The following AHRR variants were observed in gnomAD, a reference collection of about 807,000 sequenced individuals.
AHRR encodes ahR repressor.
Under a neutral mutation model 44.0 loss-of-function variants are expected in AHRR, and 28 were observed. The observed-to-expected ratio is 0.64, with a 90% CI of 0.47 to 0.87. The LOEUF is 0.87. AHRR is among the 40% of genes least tolerant of loss of function. The pLI, the probability that AHRR is intolerant of heterozygous loss-of-function variation, is 0.00. For missense variants in AHRR, 990 were observed against 953.9 expected, an observed-to-expected ratio of 1.04 and a Z score of -0.50; for synonymous variants, 434 against 407.0, an observed-to-expected ratio of 1.07 and a Z score of -0.80.
intron 3 of AHRR, among the ~76,000 whole-genome samples, chr5:375,219 A>AT (rs1454874178): frequency 2.6e-5 from 4 of 152,318 alleles, no homozygotes; most frequent in African/African-American, 9.6e-5. Context: ...TCAAGTGGTT[A>AT]TTCTAGTTCT....
Position 423,913 on chromosome 5 carries a change from C to T in AHRR, c.644C>T (p.Ala215Val). The T allele has an allele frequency of 6.2e-7, 1 of 1,603,706 alleles. No homozygotes were observed. The highest frequency in any genetic ancestry group is 8.5e-7 in the Non-Finnish European group (1 of 1,179,918). Residue 215 changes from alanine to valine, a missense_variant, in exon 7 of 11, where the codon GCC (alanine) becomes GTC (valine). Ala to Val is a moderately conservative substitution (Grantham distance 64). Transcript: ENST00000684583. ...ACAGGCACGCCCACCGAGTACTCGG[C>T]CTTCCTGACCCGCTGCTTCATCTGC... ...WGTGTPTEYS[A>V]FLTRCFICRV...
At chr5:425,587 C>A (rs1191043031) in intron 7 of AHRR, among the ~76,000 whole-genome samples, 1 of 152,036 alleles carries the variant, frequency 6.6e-6, no homozygotes, top group South Asian at 2.1e-4. Flanking sequence ...GAATGTTGTT[C>A]GTTTTTTAAA....
At chr5:340,952 C>G in intron 1 of AHRR, among the ~76,000 whole-genome samples, 1 of 150,846 alleles carries the variant, frequency 6.6e-6, no homozygotes. Context: ...CCTGCCTCAG[C>G]CTTCCAAAGT....
intron 5 of AHRR, among the ~76,000 whole-genome samples, chr5:414,493 T>G (rs1300916551): frequency 6.6e-6 from 1 of 152,018 alleles, no homozygotes; most frequent in East Asian, 1.9e-4. Flanking sequence ...GGGCCCTTTA[T>G]CTGCACTTCC....
chr5:345,336 ATG>A (rs148960070), intron 2 of AHRR, among the ~76,000 whole-genome samples: 23,442 of 29,570 alleles, frequency 0.79, 9,310 homozygotes, highest in Non-Finnish European at 0.83. Flanking sequence ...GTGTGTGGGG[ATG>A]TGTGTGTGTG....
chr5:351,419 C>A (rs1742854533), intron 2 of AHRR, among the ~76,000 whole-genome samples: 1 of 152,162 alleles, frequency 6.6e-6, no homozygotes, highest in African/African-American at 2.4e-5. Context: ...ATTACTCAGC[C>A]CTGAAAAGGA....
intron 3 of AHRR, among the ~76,000 whole-genome samples, chr5:356,359 G>A (rs1383685302): frequency 6.6e-6 from 1 of 152,234 alleles, no homozygotes; most frequent in Non-Finnish European, 1.5e-5. Flanking sequence ...GAAGGGTCCA[G>A]AAGCCCCGGC....
At position 380,607 on chromosome 5, in the gene AHRR, T is replaced by A. The variant is rs74362995; in HGVS notation, c.351+3891T>A. ...TTAATGTAAATGAGACTTTTTTAAT[T>A]TCAATTTTTAGTTCATTCCTAGTAT... On this transcript the variant is annotated intron_variant, in intron 4 of 10. Transcript: ENST00000684583. 4.6e-5 allele frequency among the ~76,000 whole-genome samples: 7 copies of A among 152,354 alleles called. No homozygotes were observed. The East Asian group carries it at 1.3e-3, about 29-fold the overall frequency.
At chr5:323,645 T>G (rs1411861113) in intron 1 of AHRR, among the ~76,000 whole-genome samples, 1 of 152,188 alleles carries the variant, frequency 6.6e-6, no homozygotes, top group East Asian at 1.9e-4. Flanking sequence ...TAACAGGGTC[T>G]TCCCACCTCG....
rs950614410 is a variant in AHRR, at chr5:367,704, T to G, written c.245-8906T>G. 9.7e-6 allele frequency: 6 copies of G among 618,816 alleles called. No individual in the cohort carries two copies. In the African/African-American group the frequency reaches 1.1e-4, roughly 11 times the overall value. 38.3% of individuals were successfully genotyped at this position (618,816 alleles called of 1,614,324 possible). ...GCCTCACTTTTAACATCACAGCCTCTGCCCCTCTGCCCTGACACCACCCCC... is the reference window on the plus strand; with the variant it reads ...GCCTCACTTTTAACATCACAGCCTCGGCCCCTCTGCCCTGACACCACCCCC... On this transcript the variant is annotated intron_variant, in intron 3 of 10. Coordinates refer to ENST00000684583, the MANE Select transcript of AHRR (RefSeq NM_001377236.1).
intron 1 of AHRR, among the ~76,000 whole-genome samples, chr5:332,750 G>A (rs1318410301): frequency 6.6e-6 from 1 of 152,082 alleles, no homozygotes; most frequent in Non-Finnish European, 1.5e-5. Flanking sequence ...TCTGTCTAAT[G>A]CCATGAGTAG....
At chr5:421,431 C>T (rs1478742385) in intron 5 of AHRR, 8 of 543,300 alleles carry the variant, frequency 1.5e-5, no homozygotes, top group Non-Finnish European at 2.3e-5. Flanking sequence ...CAGAAGCAGC[C>T]TCGCGGGTGC....
intron 4 of AHRR, among the ~76,000 whole-genome samples, chr5:382,741 TTGTC>T (rs1734034724): frequency 7.7e-6 from 1 of 129,252 alleles, no homozygotes; most frequent in African/African-American, 3.4e-5. Flanking sequence ...ATTTGTCTAT[TTGTC>T]TATTTTCCAT....
intron 5 of AHRR, among the ~76,000 whole-genome samples, chr5:417,600 C>T (rs1735886134): frequency 6.6e-6 from 1 of 152,252 alleles, no homozygotes; most frequent in African/African-American, 2.4e-5. Context: ...GCTCGATGGT[C>T]TCACCCCAGG....
At chr5:325,161 G>C (rs1483445263) in intron 1 of AHRR, among the ~76,000 whole-genome samples, 1 of 152,204 alleles carries the variant, frequency 6.6e-6, no homozygotes, top group African/African-American at 2.4e-5. Flanking sequence ...AACATCCCCT[G>C]CCCCGCTTCA....
At chr5:376,050 GC>G in intron 3 of AHRR, among the ~76,000 whole-genome samples, 5 of 104,698 alleles carry the variant, frequency 4.8e-5, no homozygotes, top group Non-Finnish European at 9.1e-5. Flanking sequence ...GTGGGGCCTG[GC>G]CTGCTTCTCA....
chr5:363,404 C>T (rs189916187), intron 3 of AHRR, among the ~76,000 whole-genome samples: 2 of 152,320 alleles, frequency 1.3e-5, no homozygotes, highest in African/African-American at 4.8e-5. Flanking sequence ...TGGTCCCTTA[C>T]ACTCACTTCC....
intron 4 of AHRR, among the ~76,000 whole-genome samples, chr5:376,966 C>T (rs1733736552): frequency 6.6e-6 from 1 of 152,124 alleles, no homozygotes; most frequent in African/African-American, 2.4e-5. Flanking sequence ...GAGCTCTCGG[C>T]CTTGTGTGCT....
rs1490196751 is a variant in AHRR, at chr5:338,629, C to T, written c.-10-5264C>T. On this transcript the variant is annotated intron_variant, in intron 1 of 10. Coordinates refer to ENST00000684583, the MANE Select transcript of AHRR (RefSeq NM_001377236.1). The surrounding 1 kb of genome is among the most constrained non-coding windows in gnomAD (Gnocchi z 4.1). ...GGCCAAGGTGGGTGAATTGCTTGAACCCAGGAGTTCAAGGCCAGACTGGGC... is the reference window on the plus strand; with the variant it reads ...GGCCAAGGTGGGTGAATTGCTTGAATCCAGGAGTTCAAGGCCAGACTGGGC... Among the ~76,000 whole-genome samples the T allele has an allele frequency of 2.0e-5, 3 of 152,062 alleles. No individual in the cohort carries two copies. The highest frequency in any genetic ancestry group is 4.4e-5 in the Non-Finnish European group (3 of 68,018).
Sources: allele counts gnomAD v4.1 joint callset (sites outside exome capture counted in the v4.1 genomes callset), GRCh38; gene constraint gnomAD v4.1.1; non-coding constraint Gnocchi (gnomAD v3.1); transcripts MANE v1.5; gene names NCBI Gene and HGNC (gene_info 2026-07-23, HGNC 2026-07-21).